HACD2: variants seen among roughly 807,000 people sequenced by gnomAD.
HACD2 encodes very-long-chain (3R)-3-hydroxyacyl-CoA dehydratase 2.
HACD2 carries 15 observed loss-of-function variants against 31.0 expected under a neutral mutation model. The observed-to-expected ratio is 0.48, with a 90% confidence interval of 0.32 to 0.75. HACD2 has a LOEUF of 0.75. Among genes scored for constraint, HACD2 ranks in the 30% least tolerant of loss-of-function variants. The probability of loss-of-function intolerance (pLI) is 0.03; values close to 1 mark genes in which losing one functional copy is unlikely to be tolerated. For missense variants in HACD2, 283 were observed against 313.0 expected (o/e 0.90, Z 0.72); for synonymous variants, 115 against 122.2 (o/e 0.94, Z 0.39).
chr3:123,525,706 C>A (rs1410364958), intron 4 of HACD2, among the ~76,000 whole-genome samples: 1 of 152,090 alleles, frequency 6.6e-6, no homozygotes. Flanking sequence ...AATTCTTGTC[C>A]ACTTTAGAGG....
At chr3:123,568,215 C>T (rs1442967203) in intron 2 of HACD2, among the ~76,000 whole-genome samples, 1 of 152,232 alleles carries the variant, frequency 6.6e-6, no homozygotes, top group African/African-American at 2.4e-5. Context: ...TCAATGCAGA[C>T]ATTCATTCTA....
chr3:123,551,891 A>C (rs2056624296), intron 3 of HACD2, among the ~76,000 whole-genome samples: 1 of 152,232 alleles, frequency 6.6e-6, no homozygotes, highest in African/African-American at 2.4e-5. Context: ...GAAATCCTCC[A>C]AAAATCTATA....
rs1430469510 is a variant in HACD2, at chr3:123,491,739, T to C, written c.*3149A>G. ...CAAAAAATACATTTAAATTATATAA[T>C]TTTAGTGAATCAAAGACTTATAAAA... On this transcript the variant is annotated 3_prime_UTR_variant, in exon 7 of 7. Transcript: ENST00000383657. 6.6e-6 allele frequency: 1 copy of C among 152,656 alleles called. No individual in the cohort carries two copies. The highest frequency in any genetic ancestry group is 2.4e-5 in the African/African-American group (1 of 41,466). 9.5% of individuals were successfully genotyped at this position (152,656 alleles called of 1,614,324 possible).
intron 4 of HACD2, among the ~76,000 whole-genome samples, chr3:123,520,829 A>G (rs2056205478): frequency 6.6e-6 from 1 of 152,218 alleles, no homozygotes; most frequent in Admixed American, 6.5e-5. Context: ...CGTGTTATTC[A>G]TTAATTTAAG....
chr3:123,545,039 A>AC, intron 3 of HACD2, among the ~76,000 whole-genome samples: 1 of 149,796 alleles, frequency 6.7e-6, no homozygotes, highest in Non-Finnish European at 1.5e-5. Flanking sequence ...TGCCTCAAAA[A>AC]AAAAAAAAAA....
chr3:123,523,104 G>A (rs946281874), intron 4 of HACD2, among the ~76,000 whole-genome samples: 2 of 152,176 alleles, frequency 1.3e-5, no homozygotes, highest in Non-Finnish European at 2.9e-5. Context: ...AACCAGGGAA[G>A]TGGCCTCAGA....
At chr3:123,554,385 C>G (rs182822186) in intron 3 of HACD2, among the ~76,000 whole-genome samples, 21 of 152,046 alleles carry the variant, frequency 1.4e-4, no homozygotes, top group Non-Finnish European at 1.6e-4. Context: ...TCTGTAGTCC[C>G]AGCTGCTTGA....
intron 3 of HACD2, among the ~76,000 whole-genome samples, chr3:123,561,080 C>CGG (rs557882685): frequency 1.3e-5 from 2 of 151,856 alleles, no homozygotes; most frequent in South Asian, 4.2e-4. Context: ...CTCAAAGTAG[C>CGG]GGGGGGGCAG....
chr3:123,509,034 C>T lies in HACD2; in HGVS notation c.382-6353G>A, dbSNP rs60589845. Reference sequence around the variant, plus strand: ...CAAAGGTCCCATTGCCAAATACCATCGCGCTGGGGGTTAGGGCTTCAAGGT... The same window carrying T: ...CAAAGGTCCCATTGCCAAATACCATTGCGCTGGGGGTTAGGGCTTCAAGGT... On this transcript the variant is annotated intron_variant, in intron 4 of 6. Transcript: ENST00000383657. Among the ~76,000 whole-genome samples the T allele has an allele frequency of 8.9e-3, 1,349 of 152,202 alleles. 16 individuals are homozygous for T. The highest frequency in any genetic ancestry group is 0.031 in the African/African-American group (1,276 of 41,524).
At chr3:123,581,316 C>G (rs1050735608) in intron 2 of HACD2, among the ~76,000 whole-genome samples, 1 of 152,124 alleles carries the variant, frequency 6.6e-6, no homozygotes, top group African/African-American at 2.4e-5. Flanking sequence ...AAGCTATCCC[C>G]ATCCCTCTTT....
intron 4 of HACD2, among the ~76,000 whole-genome samples, chr3:123,521,093 C>T (rs551306380): frequency 3.3e-4 from 50 of 152,084 alleles, no homozygotes; most frequent in Non-Finnish European, 5.1e-4. Context: ...TGTTAAGATA[C>T]CACCCGACAG....
At position 123,493,794 on chromosome 3, in the gene HACD2, G is replaced by A. The variant is rs191900245; in HGVS notation, c.*1094C>T. 1.3e-5 allele frequency: 2 copies of A among 152,300 alleles called. No homozygotes were observed. The highest frequency in any genetic ancestry group is 3.9e-4 in the East Asian group (2 of 5,190). The allele number at this position is 152,300 out of a possible 1,614,324, so 9.4% of individuals were successfully genotyped here. A position where few individuals can be genotyped will look rare whatever the true frequency, so the allele number is the denominator to read the frequency against. ...CTGCTTTTAGCTCATGACAGCCCAA[G>A]GGGAATGTTTTACTGACTATGGACT... On this transcript the variant is annotated 3_prime_UTR_variant, in exon 7 of 7. Transcript: ENST00000383657.
chr3:123,571,334 G>A (rs927479661), intron 2 of HACD2, among the ~76,000 whole-genome samples: 3 of 152,122 alleles, frequency 2.0e-5, no homozygotes, highest in Non-Finnish European at 2.9e-5. Flanking sequence ...GATTTTGCAA[G>A]TGTAATTAAA....
intron 2 of HACD2, among the ~76,000 whole-genome samples, chr3:123,570,370 A>G (rs1016084255): frequency 6.6e-6 from 1 of 152,248 alleles, no homozygotes; most frequent in South Asian, 2.1e-4. Flanking sequence ...AATTATGAAA[A>G]TAAGTTTGGA....
At chr3:123,541,509 G>A (rs980801816) in intron 3 of HACD2, among the ~76,000 whole-genome samples, 13 of 152,298 alleles carry the variant, frequency 8.5e-5, no homozygotes, top group African/African-American at 2.6e-4. Flanking sequence ...GTACTAGAAG[G>A]TTGTGAAAAA....
intron 3 of HACD2, among the ~76,000 whole-genome samples, chr3:123,560,653 A>G (rs1261531014): frequency 6.6e-6 from 1 of 152,224 alleles, no homozygotes; most frequent in African/African-American, 2.4e-5. Context: ...AGGCTTAAAG[A>G]GAGCCAGTAG....
intron 4 of HACD2, among the ~76,000 whole-genome samples, chr3:123,522,015 GC>G (rs1225068808): frequency 1.3e-5 from 2 of 152,108 alleles, no homozygotes; most frequent in Non-Finnish European, 2.9e-5. Context: ...ACAGAAGTGA[GC>G]CCACTCTTGG....
Position 123,500,607 on chromosome 3 carries a change from G to A in HACD2, c.590C>T (p.Ala197Val). ...GGGTAAACTGATGGAATATAGGCCA[G>A]CTTGTCTGACAAAGGGCAGAGCTGC... is the stretch of plus-strand genomic sequence containing the variant. ...IYAALPFVRQAGLYSISLPNK... is the reference protein window; with the variant it reads ...IYAALPFVRQVGLYSISLPNK... Residue 197 changes from alanine to valine, a missense_variant, in exon 6 of 7, where the codon GCT becomes GTT. By Grantham distance (64) the Ala-to-Val change is moderately conservative. This residue lies in a region of HACD2 where 85 missense variants were observed against 129.6 expected (regional missense o/e 0.66). Coordinates refer to ENST00000383657, the MANE Select transcript of HACD2 (RefSeq NM_198402.5). 1 of 1,612,418 alleles carries A rather than the reference G, an allele frequency of 6.2e-7. No individual in the cohort carries two copies. Among genetic ancestry groups the A allele is most frequent in the Non-Finnish European group, 8.5e-7 (1 of 1,178,494 alleles).
intron 5 of HACD2, among the ~76,000 whole-genome samples, chr3:123,500,936 C>A (rs2055894920): frequency 6.6e-6 from 1 of 152,170 alleles, no homozygotes; most frequent in African/African-American, 2.4e-5. Context: ...AAAATTTGGT[C>A]TGACAAAATA....
Sources: gnomAD v4.1 joint callset for allele counts (sites outside exome capture counted in the v4.1 genomes callset) on GRCh38, gnomAD v4.1.1 for gene constraint, gnomAD v4.1.1 regional missense constraint, MANE v1.5 for transcripts, NCBI Gene and HGNC (gene_info 2026-07-23, HGNC 2026-07-21) for gene names.